The following STXBP6 variants were observed in gnomAD, a reference collection of about 807,000 sequenced individuals.
The protein encoded by STXBP6 is syntaxin binding protein 6.
Under a neutral mutation model 26.9 loss-of-function variants are expected in STXBP6, and 21 were observed. The observed-to-expected ratio is 0.78, with a 90% CI of 0.55 to 1.12. The LOEUF is 1.12. Among genes scored for constraint, STXBP6 ranks in the 50% most tolerant of loss-of-function variants. The pLI, the probability that STXBP6 is intolerant of heterozygous loss-of-function variation, is 0.00. For synonymous variants in STXBP6, 97 were observed against 92.6 expected (o/e 1.05, Z -0.27); for missense variants, 232 against 257.9 (o/e 0.90, Z 0.69).
At chr14:24,867,035 G>A (rs548721192) in intron 2 of STXBP6, among the ~76,000 whole-genome samples, 1 of 152,236 alleles carries the variant, frequency 6.6e-6, no homozygotes, top group South Asian at 2.1e-4. Flanking sequence ...ATGGTTGGTT[G>A]ATGGTTACTC....
chr14:24,940,885 A>G (rs2072777836), intron 2 of STXBP6, among the ~76,000 whole-genome samples: 1 of 152,122 alleles, frequency 6.6e-6, no homozygotes, highest in Admixed American at 6.5e-5. Flanking sequence ...GTGTGGTGGC[A>G]GGCACATGCA....
At chr14:24,897,049 A>G (rs941633643) in intron 2 of STXBP6, among the ~76,000 whole-genome samples, 1 of 152,172 alleles carries the variant, frequency 6.6e-6, no homozygotes, top group South Asian at 2.1e-4. Flanking sequence ...CAGAAAAGTA[A>G]TATCAGATCT....
At chr14:24,836,206 A>G (rs539187127) in intron 4 of STXBP6, among the ~76,000 whole-genome samples, 2 of 152,366 alleles carry the variant, frequency 1.3e-5, no homozygotes, top group South Asian at 4.1e-4. Flanking sequence ...TTGATTCAGT[A>G]CAGAAAGAGA....
At chr14:24,818,544 A>T (rs982381276) in intron 5 of STXBP6, among the ~76,000 whole-genome samples, 2 of 152,132 alleles carry the variant, frequency 1.3e-5, no homozygotes, top group African/African-American at 4.8e-5. Flanking sequence ...ACTAGCCCCG[A>T]GGTGCGTAGT....
intron 1 of STXBP6, among the ~76,000 whole-genome samples, chr14:24,984,492 A>G (rs1361360277): frequency 6.6e-6 from 1 of 152,208 alleles, no homozygotes; most frequent in Non-Finnish European, 1.5e-5. Flanking sequence ...TGTGCCCTTC[A>G]ATGCCTCAAT....
At chr14:24,938,817 C>T (rs1280145630) in intron 2 of STXBP6, among the ~76,000 whole-genome samples, 2 of 152,184 alleles carry the variant, frequency 1.3e-5, no homozygotes, top group Non-Finnish European at 1.5e-5. Context: ...ACTGGCTAGA[C>T]ATTCCTAACA....
rs1469920105 is a variant in STXBP6 at position 24,812,609 on chromosome 14, T to C, written c.*100A>G. ...AAAAACCACTCTAAGTGTCCAAATA[T>C]TGGAAAAAAAGAAGCAAGCGGAGGT... On this transcript the variant is annotated 3_prime_UTR_variant, in exon 6 of 6. Transcript: ENST00000323944. The C allele has an allele frequency of 5.0e-6, 6 of 1,195,134 alleles. No homozygotes were observed. The East Asian group carries it at 9.5e-5, about 19-fold the overall frequency. 74.0% of individuals were successfully genotyped at this position (1,195,134 alleles called of 1,614,324 possible). A position where few individuals can be genotyped will look rare whatever the true frequency, so the allele number is the denominator to read the frequency against.
At chr14:25,035,115 C>T (rs908896438) in intron 1 of STXBP6, among the ~76,000 whole-genome samples, 2 of 149,502 alleles carry the variant, frequency 1.3e-5, no homozygotes, top group Admixed American at 6.7e-5. Flanking sequence ...CGCACCATTG[C>T]ACTCCAGCTT....
At chr14:25,017,183 G>A (rs2075167770) in intron 1 of STXBP6, among the ~76,000 whole-genome samples, 1 of 152,178 alleles carries the variant, frequency 6.6e-6, no homozygotes, top group African/African-American at 2.4e-5. Flanking sequence ...TGTGCTAGTT[G>A]GTAGGGTATA....
At chr14:24,838,746 A>T (rs1238702587) in intron 4 of STXBP6, among the ~76,000 whole-genome samples, 1 of 152,174 alleles carries the variant, frequency 6.6e-6, no homozygotes, top group Non-Finnish European at 1.5e-5. Flanking sequence ...TGTCTTATTA[A>T]GCACCTAGAG....
chr14:24,958,797 T>A (rs2073426352), intron 2 of STXBP6, among the ~76,000 whole-genome samples: 1 of 152,078 alleles, frequency 6.6e-6, no homozygotes, highest in African/African-American at 2.4e-5. Flanking sequence ...TTAAATGAAA[T>A]CAATGTCCAT....
At position 25,049,238 on chromosome 14, in the gene STXBP6, T is replaced by C. The variant is rs2075769179; in HGVS notation, c.-33+640A>G. On this transcript the variant is annotated intron_variant, in intron 1 of 5. Transcript: ENST00000323944. This position sits in a 1 kb window ranked among gnomAD's most constrained non-coding sequence, Gnocchi z 5.6. ...CAGCCACGTTGCCCGGCGGTGTTGG[T>C]GAGGCTCGATGCCGGCGTGCACGGC... The C allele has an allele frequency of 1.0e-5, 10 of 985,368 alleles. No homozygotes were observed. Among genetic ancestry groups the C allele is most frequent in the Middle Eastern group, 5.2e-4 (1 of 1,914 alleles). The allele number at this position is 985,368 out of a possible 1,614,324, so 61.0% of individuals were successfully genotyped here. A position where few individuals can be genotyped will look rare whatever the true frequency, so the allele number is the denominator to read the frequency against.
At chr14:25,016,534 T>C (rs1244181765) in intron 1 of STXBP6, among the ~76,000 whole-genome samples, 2 of 152,178 alleles carry the variant, frequency 1.3e-5, no homozygotes, top group African/African-American at 4.8e-5. Context: ...TCATAGCTCT[T>C]TTCAAGTGTA....
At chr14:25,038,391 A>G (rs1364888603) in intron 1 of STXBP6, among the ~76,000 whole-genome samples, 2 of 152,206 alleles carry the variant, frequency 1.3e-5, no homozygotes, top group African/African-American at 4.8e-5. Flanking sequence ...AAGCAAACCC[A>G]TGTTCATCAA....
At chr14:24,987,623 T>C (rs1397232856) in intron 1 of STXBP6, among the ~76,000 whole-genome samples, 1 of 152,264 alleles carries the variant, frequency 6.6e-6, no homozygotes, top group African/African-American at 2.4e-5. Flanking sequence ...GAGGTATGAT[T>C]GTCTCTACTG....
intron 1 of STXBP6, among the ~76,000 whole-genome samples, chr14:24,976,852 C>CTTTTTTTTTTTT (rs71121808): frequency 0.024 from 1,096 of 45,280 alleles, 239 homozygotes; most frequent in African/African-American, 0.049. Flanking sequence ...ACTGGGCGCT[C>CTTTTTTTTTTTT]TTTTTTTTTT....
chr14:24,838,308 G>C lies in STXBP6; in HGVS notation c.451+17628C>G, dbSNP rs541666397. On this transcript the variant is annotated intron_variant, in intron 4 of 5. Transcript: ENST00000323944. The stretch of plus-strand genomic sequence containing the variant: ...TTATTGGTGTGTGTCACTATGCCCA[G>C]CAAGCTTCACTGGTTTTTAAATAAG... Among the ~76,000 whole-genome samples the C allele has an allele frequency of 2.0e-5, 3 of 152,274 alleles. No individual in the cohort carries two copies. The South Asian group carries it at 6.2e-4, about 32-fold the overall frequency.
intron 1 of STXBP6, among the ~76,000 whole-genome samples, chr14:25,046,320 G>C (rs2075726403): frequency 6.6e-6 from 1 of 152,196 alleles, no homozygotes; most frequent in South Asian, 2.1e-4. Flanking sequence ...TGAATCTTAA[G>C]AGTGACAACC....
chr14:24,850,641 C>G lies in STXBP6; in HGVS notation c.451+5295G>C, dbSNP rs531031417. Among the ~76,000 whole-genome samples the G allele has an allele frequency of 7.9e-5, 12 of 152,258 alleles. No homozygotes were observed. In the South Asian group the frequency reaches 2.5e-3, roughly 32 times the overall value. On this transcript the variant is annotated intron_variant, in intron 4 of 5. Coordinates refer to ENST00000323944, the MANE Select transcript of STXBP6 (RefSeq NM_001394410.1). ...AACCTCCAGCTCAGCCATCCCCTTA[C>G]TGTCATGGCAATGTTTCACGTCTAT...
Sources: allele counts gnomAD v4.1 joint callset (sites outside exome capture counted in the v4.1 genomes callset), GRCh38; gene constraint gnomAD v4.1.1; non-coding constraint Gnocchi (gnomAD v3.1); transcripts MANE v1.5; gene names NCBI Gene and HGNC (gene_info 2026-07-23, HGNC 2026-07-21).